The following CHD9 variants were observed in gnomAD, a reference collection of about 807,000 sequenced individuals.
CHD9 encodes chromodomain helicase DNA binding protein 9, also known as ATP-dependent chromatin remodeler CHD9.
In CHD9, 77 loss-of-function variants were observed where a neutral mutation model predicts 316.1. The observed-to-expected ratio is 0.24, with a 90% CI of 0.20 to 0.29. The LOEUF is 0.29. Among genes scored for constraint, CHD9 ranks in the 10% least tolerant of loss-of-function variants. The pLI is 1.00. For synonymous variants in CHD9, 1,129 were observed against 1,158.3 expected (o/e 0.97, Z 0.51); for missense variants, 2,763 against 3,438.1 (o/e 0.80, Z 4.91).
chr16:53,254,853 C>T (rs2050445013), intron 18 of CHD9, among the ~76,000 whole-genome samples: 1 of 152,154 alleles, frequency 6.6e-6, no homozygotes, highest in Non-Finnish European at 1.5e-5. Context: ...CTTTTTAGGA[C>T]ATTTGTATGA....
chr16:53,227,454 T>TA lies in CHD9; in HGVS notation c.2108dup (p.Glu704GlyfsTer9). ...GACAAAATTCTATCTTCTAGAACCG[T>TA]AAAAAAGGAAGTAAGTACTGGTACA... On this transcript the variant is annotated frameshift_variant, in exon 6 of 39. Coordinates refer to ENST00000447540, the MANE Select transcript of CHD9 (RefSeq NM_001308319.2). LOFTEE classifies it high-confidence loss of function. 1.9e-6 allele frequency: 3 copies of TA among 1,560,902 alleles called. No homozygotes were observed. The highest frequency in any genetic ancestry group is 1.2e-5 in the South Asian group (1 of 83,518).
intron 34 of CHD9, among the ~76,000 whole-genome samples, chr16:53,310,335 T>C (rs1183078070): frequency 6.6e-6 from 1 of 152,104 alleles, no homozygotes; most frequent in South Asian, 2.1e-4. Context: ...TTTTTTTTTT[T>C]CACCAGAAAA....
chr16:53,150,215 A>ATT (rs4002248), intron 1 of CHD9, among the ~76,000 whole-genome samples: 3,064 of 140,804 alleles, frequency 0.022, 108 homozygotes, highest in African/African-American at 0.074. Flanking sequence ...TTATATTTAG[A>ATT]TTTTTTTTTT....
intron 2 of CHD9, chr16:53,208,466 CT>C: frequency 8.6e-7 from 1 of 1,169,070 alleles, no homozygotes; most frequent in Non-Finnish European, 1.1e-6. Flanking sequence ...GCATCGCCAT[CT>C]TGAGCTTGTT....
At chr16:53,236,640 G>A (rs557974314) in intron 11 of CHD9, among the ~76,000 whole-genome samples, 61 of 51,382 alleles carry the variant, frequency 1.2e-3, no homozygotes, top group Middle Eastern at 0.022. Context: ...CACCACCACT[G>A]CCCCCACCCC....
chr16:53,183,781 A>G (rs775511568), intron 2 of CHD9, among the ~76,000 whole-genome samples: 39 of 152,018 alleles, frequency 2.6e-4, no homozygotes, highest in South Asian at 1.0e-3. Context: ...ATACAATACA[A>G]TGCAATACAA....
In CHD9 at chr16:53,157,459, A is replaced by G. The variant is rs1327295882; in HGVS notation, c.1370A>G (p.Gln457Arg). The G allele has an allele frequency of 6.2e-7, 1 of 1,613,898 alleles. No homozygotes were observed. The highest frequency in any genetic ancestry group is 8.5e-7 in the Non-Finnish European group (1 of 1,179,876). The change falls in exon 2 of 39, where the codon CAA becomes CGA. Residue 457 changes from glutamine to arginine, a missense_variant. This residue lies in a region of CHD9 where 859 missense variants were observed against 890.4 expected (regional missense o/e 0.96). Transcript: ENST00000447540. The stretch of plus-strand genomic sequence containing the variant: ...TCTGATATGGCTCAGACTCAGTTGC[A>G]AAGTCAGGCTCGGAGTTGGCATTCA... ...RPSDMAQTQL[Q>R]SQARSWHSSF...
At chr16:53,130,045 C>G (rs2039150694) in intron 1 of CHD9, among the ~76,000 whole-genome samples, 1 of 152,190 alleles carries the variant, frequency 6.6e-6, no homozygotes, top group Non-Finnish European at 1.5e-5. Flanking sequence ...TTCTTAAATT[C>G]TTGCGTTTAT....
intron 1 of CHD9, among the ~76,000 whole-genome samples, chr16:53,057,201 G>T (rs2032246218): frequency 6.6e-6 from 1 of 151,916 alleles, no homozygotes; most frequent in Non-Finnish European, 1.5e-5. Context: ...TTGTGGCCGG[G>T]TGTGGTGGCT....
intron 1 of CHD9, among the ~76,000 whole-genome samples, chr16:53,155,058 A>G (rs2041412477): frequency 6.6e-6 from 1 of 152,128 alleles, no homozygotes; most frequent in Non-Finnish European, 1.5e-5. Flanking sequence ...CATTGTTATA[A>G]GTTTCAAAGT....
chr16:53,228,833 A>G (rs563292385), intron 7 of CHD9, 150 bp from the exon 8 acceptor site: 134 of 487,988 alleles, frequency 2.7e-4, no homozygotes, highest in African/African-American at 2.5e-3. Context: ...ACTTTATTTT[A>G]GAAATGATCG....
At chr16:53,063,228 A>C (rs10153130) in intron 1 of CHD9, among the ~76,000 whole-genome samples, 12,531 of 152,080 alleles carry the variant, frequency 0.082, 899 homozygotes, top group African/African-American at 0.2. Flanking sequence ...CTGAGCAAAC[A>C]GGCATAGAGA....
At chr16:53,197,999 TACGGAA>T (rs1237794363) in intron 2 of CHD9, among the ~76,000 whole-genome samples, 1 of 151,986 alleles carries the variant, frequency 6.6e-6, no homozygotes, top group Non-Finnish European at 1.5e-5. Flanking sequence ...TGATTGGAAT[TACGGAA>T]ACCCTCTCCC....
intron 36 of CHD9, among the ~76,000 whole-genome samples, chr16:53,316,240 G>C (rs188484092): frequency 3.0e-4 from 46 of 152,198 alleles, no homozygotes; most frequent in African/African-American, 1.1e-3. Context: ...AAAATAATGG[G>C]AATCCTGAGT....
intron 2 of CHD9, among the ~76,000 whole-genome samples, chr16:53,186,470 A>G (rs1415985633): frequency 6.6e-6 from 1 of 152,170 alleles, no homozygotes; most frequent in Non-Finnish European, 1.5e-5. Flanking sequence ...GGTGGAAGGG[A>G]CTTGCCTTGT....
intron 4 of CHD9, 103 bp from the exon 5 acceptor site, chr16:53,226,262 GT>G: frequency 1.4e-6 from 1 of 702,502 alleles, no homozygotes; most frequent in Non-Finnish European, 2.2e-6. Context: ...TGAGTGTCAT[GT>G]TGAAAATTTA....
rs2057552561 is a variant in CHD9, at chr16:53,326,673, T to C, written c.*1778T>C. On this transcript the variant is annotated 3_prime_UTR_variant, in exon 39 of 39. Coordinates refer to ENST00000447540, the MANE Select transcript of CHD9 (RefSeq NM_001308319.2). The stretch of plus-strand genomic sequence containing the variant: ...AGAAGTGGGTAGTAATTCTTCATCA[T>C]GAAAATGATATATTACATATTTAGT... 6.6e-6 allele frequency: 1 copy of C among 152,470 alleles called. No homozygotes were observed. The highest frequency in any genetic ancestry group is 2.1e-4 in the South Asian group (1 of 4,834). 9.4% of individuals were successfully genotyped at this position (152,470 alleles called of 1,614,324 possible).
chr16:53,131,330 G>A, intron 1 of CHD9: 1 of 147,806 alleles, frequency 6.8e-6, no homozygotes, highest in Non-Finnish European at 1.4e-5. Context: ...CGCCGCCGCC[G>A]CCGCTGCTCG....
intron 8 of CHD9, among the ~76,000 whole-genome samples, chr16:53,229,479 A>G (rs1040472755): frequency 1.1e-4 from 17 of 152,238 alleles, no homozygotes; most frequent in Admixed American, 6.5e-4. Context: ...TATTTTCTAT[A>G]CTAGCTTCAT....
Sources: gnomAD v4.1 joint callset for allele counts (sites outside exome capture counted in the v4.1 genomes callset) on GRCh38, gnomAD v4.1.1 for gene constraint, gnomAD v4.1.1 regional missense constraint, MANE v1.5 for transcripts, NCBI Gene and HGNC (gene_info 2026-07-23, HGNC 2026-07-21) for gene names.